The following HIGD1C variants were observed in gnomAD, a reference collection of about 807,000 sequenced individuals.
HIGD1C encodes HIG1 hypoxia inducible domain family member 1C.
In HIGD1C, 11 loss-of-function variants were observed where a neutral mutation model predicts 13.1. The ratio of observed to expected loss-of-function variants is 0.84; its 90% CI spans 0.53 to 1.39. The LOEUF (loss-of-function observed/expected upper bound fraction) is 1.39, where lower values mean the gene tolerates loss of function less well. Among genes scored for constraint, HIGD1C ranks in the 40% most tolerant of loss-of-function variants. The probability of loss-of-function intolerance (pLI) is 0.00; values close to 1 mark genes in which losing one functional copy is unlikely to be tolerated. For synonymous variants in HIGD1C, 36 were observed against 37.7 expected (o/e 0.95, Z 0.17); for missense variants, 110 against 112.0 (o/e 0.98, Z 0.08).
chr12:50,943,108 AC>A, the HIGD1C span, among the ~76,000 whole-genome samples: 9 of 151,480 alleles, frequency 5.9e-5, no homozygotes, highest in African/African-American at 2.2e-4. Context: ...TCAGGTGATC[AC>A]CCACCTCAGC....
chr12:50,970,005 C>T (rs1046285352), intron 2 of HIGD1C, among the ~76,000 whole-genome samples: 13 of 152,072 alleles, frequency 8.5e-5, no homozygotes, highest in African/African-American at 2.9e-4. Context: ...ACATATCATC[C>T]GCCTAAACTC....
chr12:50,959,042 T>C (rs575050123), intron 1 of HIGD1C, among the ~76,000 whole-genome samples: 3 of 152,202 alleles, frequency 2.0e-5, no homozygotes, highest in Admixed American at 6.5e-5. Context: ...AAAAAAAAGA[T>C]GCACACTTTT....
chr12:50,971,413 A>T (rs1212891451), downstream of HIGD1C, among the ~76,000 whole-genome samples: 1 of 152,196 alleles, frequency 6.6e-6, no homozygotes, highest in Non-Finnish European at 1.5e-5. Flanking sequence ...TTATTTGTTT[A>T]TTCATTTTTA....
At chr12:50,961,090 G>C (rs1939309381) in exon 2 of HIGD1C, 1 of 1,613,876 alleles carries the variant, frequency 6.2e-7, no homozygotes. Flanking sequence ...TGTTGTTGGA[G>C]CTGTGACTCT....
chr12:50,947,104 T>C, the HIGD1C span, among the ~76,000 whole-genome samples: 9 of 152,176 alleles, frequency 5.9e-5, no homozygotes, highest in Non-Finnish European at 1.5e-5. Context: ...GTCCTTATTA[T>C]TCCTGCAGAC....
downstream of HIGD1C, among the ~76,000 whole-genome samples, chr12:50,972,309 A>C (rs706801): frequency 1.3e-5 from 2 of 152,078 alleles, no homozygotes; most frequent in African/African-American, 2.4e-5. Context: ...TACTCTGAGA[A>C]AGCTAAAGTA....
upstream of HIGD1C, chr12:50,953,913 C>G (rs1938991431): frequency 5.5e-6 from 4 of 728,918 alleles, no homozygotes; most frequent in South Asian, 7.3e-5. Flanking sequence ...AACACATAAT[C>G]AAGAGTATGA....
upstream of HIGD1C, among the ~76,000 whole-genome samples, chr12:50,952,960 AG>A (rs1203976036): frequency 2.0e-5 from 3 of 152,194 alleles, no homozygotes; most frequent in African/African-American, 7.2e-5. Flanking sequence ...TTGTGAAGGC[AG>A]ACTTAAGCAA....
intron 1 of HIGD1C, among the ~76,000 whole-genome samples, chr12:50,956,319 G>C (rs1939093527): frequency 6.6e-6 from 1 of 152,188 alleles, no homozygotes; most frequent in Admixed American, 6.5e-5. Flanking sequence ...TTGAACTCAG[G>C]AAGTGGAGGT....
the HIGD1C span, among the ~76,000 whole-genome samples, chr12:50,938,394 G>T: frequency 6.6e-6 from 1 of 152,228 alleles, no homozygotes; most frequent in Non-Finnish European, 1.5e-5. Flanking sequence ...AGAGGCCAGG[G>T]AGCAGGCACT....
chr12:50,971,220 A>C (rs1160129860), downstream of HIGD1C, among the ~76,000 whole-genome samples: 1 of 152,072 alleles, frequency 6.6e-6, no homozygotes, highest in African/African-American at 2.4e-5. Flanking sequence ...CACCCTATCC[A>C]TGTCTTAATT....
chr12:50,949,007 C>T (rs1172464479), upstream of HIGD1C: 3 of 143,888 alleles, frequency 2.1e-5, no homozygotes, highest in Admixed American at 2.2e-4. Context: ...GTAATGTCTC[C>T]AGCCTACATG....
intron 1 of HIGD1C, among the ~76,000 whole-genome samples, chr12:50,960,633 T>C (rs1939288070): frequency 6.6e-6 from 1 of 152,188 alleles, no homozygotes; most frequent in African/African-American, 2.4e-5. Context: ...CATTCTTTCA[T>C]TTAACTCTCT....
intron 2 of HIGD1C, among the ~76,000 whole-genome samples, chr12:50,969,711 A>AAC (rs1307504166): frequency 1.3e-5 from 2 of 151,910 alleles, no homozygotes; most frequent in African/African-American, 4.8e-5. Flanking sequence ...TCAAAAAAAA[A>AAC]AAAACAAAAA....
At chr12:50,964,565 G>A (rs1939470310) in intron 2 of HIGD1C, among the ~76,000 whole-genome samples, 2 of 152,210 alleles carry the variant, frequency 1.3e-5, no homozygotes, top group African/African-American at 4.8e-5. Flanking sequence ...GGTCCCTGCA[G>A]ACTAGATTAT....
At chr12:50,957,985 T>TGTGTGTGTGTGTGTGTGTG (rs1592254622) in intron 1 of HIGD1C, among the ~76,000 whole-genome samples, 2 of 135,978 alleles carry the variant, frequency 1.5e-5, no homozygotes, top group African/African-American at 2.7e-5. Flanking sequence ...TGTGTGTGTG[T>TGTGTGTGTGTGTGTGTGTG]AGTAGAGGCA....
chr12:50,932,318 T>C, the HIGD1C span: 1 of 152,340 alleles, frequency 6.6e-6, no homozygotes, highest in South Asian at 2.1e-4. Context: ...TCTTTGCAAC[T>C]ATGGAAGCTG....
chr12:50,935,414 T>C, the HIGD1C span: 2 of 152,184 alleles, frequency 1.3e-5, no homozygotes, highest in Admixed American at 6.5e-5. Context: ...AAGGAAACCA[T>C]CTTGGGAACC....
chr12:50,960,878 C>A, intron 1 of HIGD1C, 90 bp from the exon 4 acceptor site: 2 of 1,109,944 alleles, frequency 1.8e-6, no homozygotes, highest in Non-Finnish European at 1.2e-6. Flanking sequence ...TGGGGTCTTG[C>A]TATGTTGCCC....
Sources: allele counts gnomAD v4.1 joint callset (sites outside exome capture counted in the v4.1 genomes callset), GRCh38; gene constraint gnomAD v4.1.1; transcripts MANE v1.5; gene names NCBI Gene and HGNC (gene_info 2026-07-23, HGNC 2026-07-21).